The following ADGRE5 variants were observed in gnomAD, a reference collection of about 807,000 sequenced individuals.
The protein encoded by ADGRE5 is adhesion G protein-coupled receptor E5, also known as CD97 molecule.
ADGRE5 carries 72 observed loss-of-function variants against 100.3 expected under a neutral mutation model. That is an observed-to-expected ratio of 0.72 (90% confidence interval 0.59 to 0.87). ADGRE5 has a LOEUF of 0.87. Among genes scored for constraint, ADGRE5 ranks in the 40% least tolerant of loss-of-function variants. ADGRE5 has a pLI of 0.00. For synonymous variants in ADGRE5, 439 were observed against 447.8 expected, an observed-to-expected ratio of 0.98 and a Z score of 0.25; for missense variants, 959 against 1,094.7, an observed-to-expected ratio of 0.88 and a Z score of 1.75.
chr19:14,406,231 TG>T lies in ADGRE5; in HGVS notation c.1822-98del. ...TCCAGACCCGCCCACCCTCCGGCTG[TG>T]GTCCCGCCCACTCTCGGGACCTGGC... On this transcript the variant is annotated intron_variant, in intron 14 of 19. Transcript: ENST00000242786. The surrounding 1 kb of genome is among the most constrained non-coding windows in gnomAD (Gnocchi z 6.0). 1.0e-6 allele frequency: 1 copy of T among 955,858 alleles called. No individual in the cohort carries two copies. The highest frequency in any genetic ancestry group is 1.6e-5 in the African/African-American group (1 of 60,792). 59.2% of individuals were successfully genotyped at this position (955,858 alleles called of 1,614,324 possible). A position where few individuals can be genotyped will look rare whatever the true frequency, so the allele number is the denominator to read the frequency against.
At chr19:14,395,374 G>A (rs1471262574) in intron 4 of ADGRE5, among the ~76,000 whole-genome samples, 2 of 151,776 alleles carry the variant, frequency 1.3e-5, no homozygotes, top group African/African-American at 2.4e-5. Context: ...TGGACTAGCC[G>A]GCAAGAGACA....
Position 14,406,158 on chromosome 19 carries a change from T to C in ADGRE5, c.1822-173T>C, listed in dbSNP as rs1056222156. Among the ~76,000 whole-genome samples the C allele has an allele frequency of 5.3e-5, 8 of 152,138 alleles. No individual in the cohort carries two copies. Among genetic ancestry groups the C allele is most frequent in the Admixed American group, 1.3e-4 (2 of 15,286 alleles). The stretch of plus-strand genomic sequence containing the variant: ...GGCCACACCCCGAGTGCCCGCTCGC[T>C]TCTGAGCGTTGTTGGGGGTGGGCCC... On this transcript the variant is annotated intron_variant, in intron 14 of 19. Coordinates refer to ENST00000242786, the MANE Select transcript of ADGRE5 (RefSeq NM_078481.4). This position sits in a 1 kb window ranked among gnomAD's most constrained non-coding sequence, Gnocchi z 6.0.
chr19:14,389,742 A>G (rs529769014), intron 3 of ADGRE5, among the ~76,000 whole-genome samples: 1 of 150,362 alleles, frequency 6.7e-6, no homozygotes, highest in African/African-American at 2.5e-5. Flanking sequence ...GTCTCAAAAA[A>G]AAAAAAGAGA....
At chr19:14,392,612 T>C (rs1975639109) in intron 4 of ADGRE5, among the ~76,000 whole-genome samples, 1 of 152,108 alleles carries the variant, frequency 6.6e-6, no homozygotes, top group South Asian at 2.1e-4. Context: ...CCTACAAAAG[T>C]ATTTAACAGG....
chr19:14,401,620 G>A lies in ADGRE5; in HGVS notation c.1076-33G>A, dbSNP rs1396015638. The A allele has an allele frequency of 6.2e-7, 1 of 1,603,850 alleles. No individual in the cohort carries two copies. Among genetic ancestry groups the A allele is most frequent in the Admixed American group, 1.7e-5 (1 of 58,724 alleles). On this transcript the variant is annotated intron_variant, in intron 10 of 19. Coordinates refer to ENST00000242786, the MANE Select transcript of ADGRE5 (RefSeq NM_078481.4). This position sits in a 1 kb window ranked among gnomAD's most constrained non-coding sequence, Gnocchi z 4.1. ...ACCCTGGGCCCCACCTGGTACCTGG[G>A]GTCCCTAATCACAACTGCCCCTCTC...
chr19:14,397,224 G>T lies in ADGRE5; in HGVS notation c.625+1G>T, dbSNP rs1329407350. 3.1e-6 allele frequency: 5 copies of T among 1,614,066 alleles called. No individual in the cohort carries two copies. Among genetic ancestry groups the T allele is most frequent in the Non-Finnish European group, 4.2e-6 (5 of 1,179,964 alleles). On this transcript the variant is annotated splice_donor_variant, in intron 6 of 19. Transcript: ENST00000242786. LOFTEE classifies it high-confidence loss of function. ...GGCCCAAACAATACCGTCTGTGAAGGTCGAGAGCTCAGATCCCACGTTTCT... is the reference window on the plus strand; with the variant it reads ...GGCCCAAACAATACCGTCTGTGAAGTTCGAGAGCTCAGATCCCACGTTTCT...
intron 9 of ADGRE5, among the ~76,000 whole-genome samples, chr19:14,399,756 A>C (rs970852045): frequency 6.7e-6 from 1 of 149,892 alleles, no homozygotes; most frequent in African/African-American, 2.5e-5. Context: ...AAAAAAAAAA[A>C]CAGTTTTCCC....
rs749535196 is a variant in ADGRE5 at position 14,406,836 on chromosome 19, C to T, written c.2116-33C>T. 5.0e-6 allele frequency: 8 copies of T among 1,611,428 alleles called. No individual in the cohort carries two copies. Among genetic ancestry groups the T allele is most frequent in the African/African-American group, 1.3e-5 (1 of 75,026 alleles). ...CCAGGCCCGGCTGGACCATCGCTCTCGCCCTCTAACCCACAATCTGCTCCC... is the reference window on the plus strand; with the variant it reads ...CCAGGCCCGGCTGGACCATCGCTCTTGCCCTCTAACCCACAATCTGCTCCC... On this transcript the variant is annotated intron_variant, in intron 16 of 19. Coordinates refer to ENST00000242786, the MANE Select transcript of ADGRE5 (RefSeq NM_078481.4). This position sits in a 1 kb window ranked among gnomAD's most constrained non-coding sequence, Gnocchi z 6.0.
rs748593473 is a variant in ADGRE5, at chr19:14,402,555, G to A, written c.1184-42G>A. The A allele has an allele frequency of 7.5e-6, 12 of 1,608,230 alleles. No individual in the cohort carries two copies. The Admixed American group carries it at 2.0e-4, about 27-fold the overall frequency. ...TTGGGAGGGAGGATAGAGCATGGGAGGAGGACAACGGGAGTAGGCAGCGAG... is the reference window on the plus strand; with the variant it reads ...TTGGGAGGGAGGATAGAGCATGGGAAGAGGACAACGGGAGTAGGCAGCGAG... On this transcript the variant is annotated intron_variant, in intron 11 of 19. Coordinates refer to ENST00000242786, the MANE Select transcript of ADGRE5 (RefSeq NM_078481.4).
intron 4 of ADGRE5, among the ~76,000 whole-genome samples, chr19:14,394,181 G>A (rs1020540167): frequency 1.3e-5 from 2 of 152,172 alleles, no homozygotes; most frequent in South Asian, 4.1e-4. Context: ...TGGACAGCAG[G>A]GCTGAGGTGA....
chr19:14,396,653 G>A (rs1031544185), intron 5 of ADGRE5, among the ~76,000 whole-genome samples, 180 bp downstream of exon 5: 1 of 152,254 alleles, frequency 6.6e-6, no homozygotes, highest in Non-Finnish European at 1.5e-5. Flanking sequence ...CGGCAGGGAG[G>A]CGGCAGGGCC....
chr19:14,402,399 C>T (rs555021020), intron 11 of ADGRE5, among the ~76,000 whole-genome samples, 198 bp from the exon 12 acceptor site: 3 of 151,446 alleles, frequency 2.0e-5, no homozygotes, highest in Non-Finnish European at 4.4e-5. Context: ...CACGCCACTG[C>T]ACTCCAGCCT....
chr19:14,408,227 C>T lies in ADGRE5; in HGVS notation c.*106C>T, dbSNP rs745996210. On this transcript the variant is annotated 3_prime_UTR_variant, in exon 20 of 20. Transcript: ENST00000242786. ...CCACCACTCTACTCCCTCCACCCTC[C>T]CTCCCTGATCCCGTGTGCCACCAGG... The T allele has an allele frequency of 2.4e-6, 3 of 1,251,188 alleles. No individual in the cohort carries two copies. The highest frequency in any genetic ancestry group is 3.4e-6 in the Non-Finnish European group (3 of 872,386). The allele number at this position is 1,251,188 out of a possible 1,614,324, so 77.5% of individuals were successfully genotyped here. A position where few individuals can be genotyped will look rare whatever the true frequency, so the allele number is the denominator to read the frequency against.
chr19:14,401,779 A>C lies in ADGRE5; in HGVS notation c.1183+19A>C. 6.7e-7 allele frequency: 1 copy of C among 1,500,152 alleles called. No individual in the cohort carries two copies. Among genetic ancestry groups the C allele is most frequent in the South Asian group, 1.3e-5 (1 of 76,390 alleles). 92.9% of individuals were successfully genotyped at this position (1,500,152 alleles called of 1,614,324 possible). A position where few individuals can be genotyped will look rare whatever the true frequency, so the allele number is the denominator to read the frequency against. On this transcript the variant is annotated intron_variant, in intron 11 of 19. Transcript: ENST00000242786. The surrounding 1 kb of genome is among the most constrained non-coding windows in gnomAD (Gnocchi z 4.1). ...GATCCAGGTAGCAGCGGTGGTCTGG[A>C]GGGGGAGCCCGTGGGAGAGAGATGG... is the stretch of plus-strand genomic sequence containing the variant.
chr19:14,407,938 C>A lies in ADGRE5; in HGVS notation c.2407C>A (p.Leu803Ile), dbSNP rs759753368. The A allele has an allele frequency of 3.1e-6, 5 of 1,614,142 alleles. No homozygotes were observed. Among genetic ancestry groups the A allele is most frequent in the Non-Finnish European group, 4.2e-6 (5 of 1,180,036 alleles). The change falls in exon 19 of 20, where the codon CTA becomes ATA. Residue 803 changes from leucine to isoleucine, a missense_variant. By Grantham distance (5) the Leu-to-Ile change is conservative (BLOSUM62 2). Around this residue, in one of 6 missense-constraint regions of ADGRE5, gnomAD observed 428 missense variants for 386.2 expected, o/e 1.11. Coordinates refer to ENST00000242786, the MANE Select transcript of ADGRE5 (RefSeq NM_078481.4). ...VREEYRKWAC[L>I]VAGGSKYSEF... ...GGAAGAATACCGGAAGTGGGCCTGC[C>A]TAGTTGCTGGGGGGAGCAAGTACTC...
chr19:14,406,420 C>T lies in ADGRE5; in HGVS notation c.1911C>T (p.Leu637=), dbSNP rs1435240357. 1 of 1,591,296 alleles carries T rather than the reference C, an allele frequency of 6.3e-7. No homozygotes were observed. The highest frequency in any genetic ancestry group is 1.1e-5 in the South Asian group (1 of 87,910). Residue 637 remains leucine, a synonymous_variant, in exon 15 of 20, where the codon CTC becomes CTT. Transcript: ENST00000242786. The surrounding 1 kb of genome is among the most constrained non-coding windows in gnomAD (Gnocchi z 6.0). ...GGATGAGCCTCGAAGGCCTGGAGCTCTACTTTCTTGTGGTGCGCGTGTTCC... is the reference window on the plus strand; with the variant it reads ...GGATGAGCCTCGAAGGCCTGGAGCTTTACTTTCTTGTGGTGCGCGTGTTCC... ...FCWMSLEGLE[L]YFLVVRVFQG...
chr19:14,406,719 C>G lies in ADGRE5; in HGVS notation c.2068C>G (p.Gln690Glu). 1.2e-6 allele frequency: 2 copies of G among 1,614,138 alleles called. No individual in the cohort carries two copies. The highest frequency in any genetic ancestry group is 1.7e-6 in the Non-Finnish European group (2 of 1,180,006). Reference sequence around the variant, plus strand: ...TCCTAGCTGCTGGTTGGACTTTGAGCAGGGCTTCCTCTGGAGCTTCTTGGG... The same window carrying G: ...TCCTAGCTGCTGGTTGGACTTTGAGGAGGGCTTCCTCTGGAGCTTCTTGGG... The part of the protein sequence containing the change: ...RPRYCWLDFE[Q>E]GFLWSFLGPV... The change falls in exon 16 of 20, where the codon CAG (glutamine) becomes GAG (glutamate). Residue 690 changes from glutamine (Q) to glutamate (E), a missense_variant. By Grantham distance (29) the Gln-to-Glu change is conservative. Transcript: ENST00000242786. This position sits in a 1 kb window ranked among gnomAD's most constrained non-coding sequence, Gnocchi z 6.0.
At chr19:14,384,472 G>A (rs890528020) in intron 1 of ADGRE5, among the ~76,000 whole-genome samples, 3 of 152,128 alleles carry the variant, frequency 2.0e-5, no homozygotes, top group Non-Finnish European at 4.4e-5. Flanking sequence ...ATGCCCAGCC[G>A]TTGTCCTGGT....
In ADGRE5 at chr19:14,404,576, G is replaced by A; in HGVS notation, c.1629+14G>A. On this transcript the variant is annotated intron_variant, in intron 13 of 19. Transcript: ENST00000242786. ...TATGACGTGGAGGTAAGTAGCTGGA[G>A]GCATCCTCAAGTGCCCACAGGTAAT... 1 of 1,610,192 alleles carries A rather than the reference G, an allele frequency of 6.2e-7. No homozygotes were observed. The highest frequency in any genetic ancestry group is 1.1e-5 in the South Asian group (1 of 90,710).
Sources: gnomAD v4.1 joint callset for allele counts (sites outside exome capture counted in the v4.1 genomes callset) on GRCh38, gnomAD v4.1.1 for gene constraint, gnomAD v4.1.1 regional missense constraint, Gnocchi (gnomAD v3.1) non-coding constraint, MANE v1.5 for transcripts, NCBI Gene and HGNC (gene_info 2026-07-23, HGNC 2026-07-21) for gene names.